Variants in TBX5 observed in about 807,000 individuals in gnomAD.
TBX5 encodes T-box transcription factor 5.
TBX5 carries 8 observed loss-of-function variants against 51.1 expected under a neutral mutation model. That is an observed-to-expected ratio of 0.16 (90% CI 0.09 to 0.28). TBX5 has a LOEUF of 0.28. Ranked by LOEUF, TBX5 falls within the 10% of genes least tolerant of loss-of-function variation. The pLI is 1.00. For missense variants in TBX5, 589 were observed against 671.7 expected (o/e 0.88, Z 1.36); for synonymous variants, 302 against 266.4 (o/e 1.13, Z -1.30).
At position 114,394,753 on chromosome 12, in the gene TBX5, G is replaced by A. The variant is rs201394336; in HGVS notation, c.651C>T (p.Tyr217=). 6 of 1,614,150 alleles carry A rather than the reference G, an allele frequency of 3.7e-6. No homozygotes were observed. The highest frequency in any genetic ancestry group is 2.2e-5 in the East Asian group (1 of 44,880). Residue 217 remains tyrosine (Y), a synonymous_variant, in exon 6 of 9, where the codon TAC becomes TAT. Transcript: ENST00000405440. ...PETAFIAVTS[Y]QNHKITQLKI... is the part of the protein sequence containing the mutation. ...GCTTCAGGCTTACCTTGTGGTTCTGGTAGGAAGTCACTGCTATAAACGCAG... is the reference window on the plus strand; with the variant it reads ...GCTTCAGGCTTACCTTGTGGTTCTGATAGGAAGTCACTGCTATAAACGCAG...
At chr12:114,366,455 G>A in intron 7 of TBX5, 64 bp from the exon 8 acceptor site, 1 of 1,526,250 alleles carries the variant, frequency 6.6e-7, no homozygotes, top group Non-Finnish European at 9.1e-7. Flanking sequence ...CTGAGTGGCT[G>A]AACCAGGTGT....
At chr12:114,365,829 C>A (rs368019252) in intron 8 of TBX5, among the ~76,000 whole-genome samples, 274 of 124,440 alleles carry the variant, frequency 2.2e-3, no homozygotes, top group Admixed American at 3.6e-3. Context: ...GATCCTGTCT[C>A]AAAAAAAAAA....
chr12:114,365,757 G>A (rs1442638182), intron 8 of TBX5, among the ~76,000 whole-genome samples: 1 of 150,272 alleles, frequency 6.7e-6, no homozygotes, highest in Non-Finnish European at 1.5e-5. Context: ...TTAAGCCCAG[G>A]TGGTTGAGGC....
intron 7 of TBX5, among the ~76,000 whole-genome samples, chr12:114,372,802 C>A (rs1014749050): frequency 6.6e-6 from 1 of 152,044 alleles, no homozygotes; most frequent in Non-Finnish European, 1.5e-5. Context: ...GATGTCAGGC[C>A]AGGTGAATGT....
chr12:114,392,646 T>C (rs529706815), intron 6 of TBX5, among the ~76,000 whole-genome samples: 2 of 152,244 alleles, frequency 1.3e-5, no homozygotes, highest in South Asian at 4.2e-4. Context: ...AGATCTCATA[T>C]ATTTTTGGAC....
chr12:114,383,259 G>A (rs1182299251), intron 7 of TBX5, among the ~76,000 whole-genome samples: 1 of 152,174 alleles, frequency 6.6e-6, no homozygotes, highest in Non-Finnish European at 1.5e-5. Context: ...GGAAGGAAAA[G>A]CTACAAGGAG....
At chr12:114,408,197 CG>C (rs1872348691), upstream of TBX5, 1 of 985,316 alleles carries the variant, frequency 1.0e-6, no homozygotes, top group Non-Finnish European at 1.2e-6. Flanking sequence ...CTATCAGTGC[CG>C]GGTCTGCGCA....
rs752606041 is a variant in TBX5 at position 114,394,725 on chromosome 12, T to A, written c.663+16A>T. 6.2e-7 allele frequency: 1 copy of A among 1,613,900 alleles called. No homozygotes were observed. Among genetic ancestry groups the A allele is most frequent in the Non-Finnish European group, 8.5e-7 (1 of 1,179,942 alleles). ...GCAGACGGCCCCAGGCACTGGTTCC[T>A]GGGCTTCAGGCTTACCTTGTGGTTC... is the stretch of plus-strand genomic sequence containing the variant. On this transcript the variant is annotated intron_variant, in intron 6 of 8. Coordinates refer to ENST00000405440, the MANE Select transcript of TBX5 (RefSeq NM_181486.4).
chr12:114,395,325 C>T (rs1871359086), intron 5 of TBX5, among the ~76,000 whole-genome samples: 1 of 152,010 alleles, frequency 6.6e-6, no homozygotes, highest in African/African-American at 2.4e-5. Context: ...TAGAAATAAC[C>T]CCCACTCCCC....
intron 7 of TBX5, among the ~76,000 whole-genome samples, chr12:114,374,453 G>C (rs1457201352): frequency 6.6e-6 from 1 of 152,182 alleles, no homozygotes; most frequent in Non-Finnish European, 1.5e-5. Flanking sequence ...CATGGACACT[G>C]GGAGTTTTTA....
At chr12:114,403,288 A>G (rs1296055879) in intron 2 of TBX5, among the ~76,000 whole-genome samples, 2 of 152,202 alleles carry the variant, frequency 1.3e-5, no homozygotes, top group Non-Finnish European at 2.9e-5. Context: ...AGGAGGCAGG[A>G]GGAGGCGGGA....
chr12:114,403,809 G>T lies in TBX5; in HGVS notation c.90C>A (p.Ser30Arg). The T allele has an allele frequency of 6.2e-7, 1 of 1,614,106 alleles. No individual in the cohort carries two copies. Among genetic ancestry groups the T allele is most frequent in the South Asian group, 1.1e-5 (1 of 91,088 alleles). Residue 30 changes from serine (S) to arginine (R), a missense_variant, in exon 2 of 9, where the codon AGC (serine) becomes AGA (arginine). Ser to Arg is a moderately radical substitution (Grantham distance 110). Coordinates refer to ENST00000405440, the MANE Select transcript of TBX5 (RefSeq NM_181486.4). Reference sequence around the variant, plus strand: ...GGGACTTGCTGGGGGCCCCGAGCGCGCTCTCGGGTTTCGAATCGCAGGGCA... The same window carrying T: ...GGGACTTGCTGGGGGCCCCGAGCGCTCTCTCGGGTTTCGAATCGCAGGGCA... ...KDLPCDSKPE[S>R]ALGAPSKSPS...
At position 114,378,178 on chromosome 12, in the gene TBX5, G is replaced by A. The variant is rs117707577; in HGVS notation, c.755+7298C>T. Among the ~76,000 whole-genome samples the A allele has an allele frequency of 2.3e-3, 355 of 152,284 alleles. 3 individuals carry two copies. The highest frequency in any genetic ancestry group is 0.017 in the Middle Eastern group (5 of 294). On this transcript the variant is annotated intron_variant, in intron 7 of 8. Coordinates refer to ENST00000405440, the MANE Select transcript of TBX5 (RefSeq NM_181486.4). ...CCAATCCATCATCTACTTAGCCCCTGATAATGCTCCATAAATACTTCTTAT... is the reference window on the plus strand; with the variant it reads ...CCAATCCATCATCTACTTAGCCCCTAATAATGCTCCATAAATACTTCTTAT...
At chr12:114,369,190 A>G (rs931188830) in intron 7 of TBX5, among the ~76,000 whole-genome samples, 1 of 152,168 alleles carries the variant, frequency 6.6e-6, no homozygotes, top group African/African-American at 2.4e-5. Flanking sequence ...TTTTCTTTTT[A>G]ATTAAAGAAA....
chr12:114,379,752 TC>T (rs1330627642), intron 7 of TBX5, among the ~76,000 whole-genome samples: 3 of 152,172 alleles, frequency 2.0e-5, no homozygotes, highest in African/African-American at 4.8e-5. Context: ...TGGACCCTGG[TC>T]CCCTGTGTGT....
At chr12:114,364,101 G>A (rs1869384510) in intron 8 of TBX5, among the ~76,000 whole-genome samples, 1 of 152,226 alleles carries the variant, frequency 6.6e-6, no homozygotes, top group Admixed American at 6.5e-5. Flanking sequence ...AAATACCAAT[G>A]ACAGCTCTTC....
intron 8 of TBX5, among the ~76,000 whole-genome samples, chr12:114,357,810 C>A (rs940128311): frequency 4.6e-5 from 7 of 152,134 alleles, no homozygotes; most frequent in African/African-American, 1.4e-4. Flanking sequence ...TCTTTCTAGT[C>A]AATAAATGTT....
At chr12:114,407,743 T>G (rs1156997238), upstream of TBX5, 1 of 984,814 alleles carries the variant, frequency 1.0e-6, no homozygotes, top group African/African-American at 1.7e-5. Flanking sequence ...TAAGACGGGG[T>G]GAAAAGCCAA....
At chr12:114,398,480 C>T (rs1871558931) in intron 5 of TBX5, 93 bp downstream of exon 5, 3 of 1,520,932 alleles carry the variant, frequency 2.0e-6, no homozygotes, top group South Asian at 1.2e-5. Context: ...GAAATGTAGG[C>T]ACACAGAGCC....
Sources: allele counts gnomAD v4.1 joint callset (sites outside exome capture counted in the v4.1 genomes callset), GRCh38; gene constraint gnomAD v4.1.1; transcripts MANE v1.5; gene names NCBI Gene and HGNC (gene_info 2026-07-23, HGNC 2026-07-21).